Variants in IL18RAP observed in about 807,000 individuals in gnomAD.
IL18RAP encodes interleukin 18 receptor accessory protein, also known as interleukin-18 receptor accessory protein.
Under a neutral mutation model 58.1 loss-of-function variants are expected in IL18RAP, and 37 were observed. The observed-to-expected ratio is 0.64, with a 90% CI of 0.49 to 0.84. The LOEUF is 0.84. Among genes scored for constraint, IL18RAP ranks in the 40% least tolerant of loss-of-function variants. The pLI, the probability that IL18RAP is intolerant of heterozygous loss-of-function variation, is 0.00. For missense variants in IL18RAP, 667 were observed against 704.8 expected (o/e 0.95, Z 0.61); for synonymous variants, 268 against 257.5 (o/e 1.04, Z -0.39).
chr2:102,422,718 G>A (rs1681651906), upstream of IL18RAP, among the ~76,000 whole-genome samples: 2 of 152,184 alleles, frequency 1.3e-5, no homozygotes, highest in Admixed American at 6.5e-5. Flanking sequence ...GGGGCAGGGA[G>A]AGGTAGGTGG....
At chr2:102,428,696 T>G (rs1217852468) in intron 3 of IL18RAP, among the ~76,000 whole-genome samples, 1 of 151,966 alleles carries the variant, frequency 6.6e-6, no homozygotes, top group Admixed American at 6.6e-5. Flanking sequence ...TGCTTTTTAT[T>G]TGTTTCTCTT....
At chr2:102,422,940 G>A (rs947379727), upstream of IL18RAP, among the ~76,000 whole-genome samples, 1 of 152,048 alleles carries the variant, frequency 6.6e-6, no homozygotes, top group Non-Finnish European at 1.5e-5. Flanking sequence ...AGATTAATGA[G>A]GGGAAAAATG....
upstream of IL18RAP, chr2:102,418,848 T>C (rs922048875): frequency 6.6e-6 from 1 of 152,454 alleles, no homozygotes; most frequent in African/African-American, 2.4e-5. Flanking sequence ...TATTTTCACA[T>C]ATTTTCGTTC....
At chr2:102,425,340 TGG>T (rs1402777837) in intron 3 of IL18RAP, among the ~76,000 whole-genome samples, 1 of 152,192 alleles carries the variant, frequency 6.6e-6, no homozygotes, top group Non-Finnish European at 1.5e-5. Context: ...GAGAGTCTCC[TGG>T]GGATACAGTT....
Position 102,424,050 on chromosome 2 carries a change from A to G in IL18RAP, c.310A>G (p.Ile104Val), listed in dbSNP as rs773267891. ...LEDIRKSYPH[I>V]IQDKCTLHFL... is the part of the protein sequence containing the mutation. ...GGACATTAGGAAAAGCTATCCTCACATCATTCAGGACAAATGTACCCTTCA... is the reference window on the plus strand; with the variant it reads ...GGACATTAGGAAAAGCTATCCTCACGTCATTCAGGACAAATGTACCCTTCA... The change falls in exon 2 of 10, where the codon ATC becomes GTC. Residue 104 changes from isoleucine (I) to valine (V), a missense_variant. Transcript: ENST00000687160. 3.7e-6 allele frequency: 6 copies of G among 1,613,992 alleles called. No individual in the cohort carries two copies. Among genetic ancestry groups the G allele is most frequent in the African/African-American group, 1.3e-5 (1 of 74,916 alleles).
chr2:102,426,355 C>T (rs1162118369), intron 3 of IL18RAP, among the ~76,000 whole-genome samples: 1 of 151,992 alleles, frequency 6.6e-6, no homozygotes, highest in Non-Finnish European at 1.5e-5. Flanking sequence ...GAAATAAATC[C>T]CTGGGCTTGG....
upstream of IL18RAP, among the ~76,000 whole-genome samples, chr2:102,420,274 G>A (rs984380798): frequency 6.6e-6 from 1 of 152,202 alleles, no homozygotes; most frequent in Non-Finnish European, 1.5e-5. Flanking sequence ...GTGTCTCCCA[G>A]ATGAGCGTGG....
chr2:102,424,306 T>C lies in IL18RAP; in HGVS notation c.471T>C (p.Tyr157=). The C allele has an allele frequency of 2.5e-6, 4 of 1,614,068 alleles. No homozygotes were observed. The highest frequency in any genetic ancestry group is 3.4e-6 in the Non-Finnish European group (4 of 1,179,938). The change falls in exon 3 of 10, where the codon TAT becomes TAC. Residue 157 remains tyrosine, a synonymous_variant. Coordinates refer to ENST00000687160, the MANE Select transcript of IL18RAP (RefSeq NM_001393487.1). ...CCCAGACAAATGCATCCTGTGAGTA[T>C]TCCGCATCACATAAGCAAGACCTAC... ...VKPQTNASCE[Y]SASHKQDLLL...
chr2:102,421,793 C>A (rs1669888477), upstream of IL18RAP, among the ~76,000 whole-genome samples: 1 of 152,218 alleles, frequency 6.6e-6, no homozygotes, highest in Non-Finnish European at 1.5e-5. Flanking sequence ...TCTGGCTCCA[C>A]CTGGACAAAG....
At chr2:102,424,463 A>G (rs1681805478) in intron 3 of IL18RAP, 49 bp downstream of exon 3, 6 of 1,500,314 alleles carry the variant, frequency 4.0e-6, no homozygotes, top group African/African-American at 1.4e-5. Flanking sequence ...TTTTTATGGT[A>G]TCTTCTTCAT....
chr2:102,445,080 C>T, intron 6 of IL18RAP, 109 bp from the exon 7 acceptor site: 1 of 870,060 alleles, frequency 1.1e-6, no homozygotes, highest in Non-Finnish European at 1.8e-6. Flanking sequence ...CTATTGATCT[C>T]ACAGTTCTCT....
Position 102,424,244 on chromosome 2 carries a change from G to A in IL18RAP, c.409G>A (p.Val137Ile). The stretch of plus-strand genomic sequence containing the variant: ...TTAATTTCCTAGGAGCCCCTATGAT[G>A]TAGCCTGTTGTGTCAAGATGATTTT... The part of the protein sequence containing the change: ...RPKMIKSPYD[V>I]ACCVKMILEV... Residue 137 changes from valine (V) to isoleucine (I), a missense_variant, in exon 3 of 10, where the codon GTA becomes ATA. Physicochemically the swap from Val to Ile is conservative, Grantham distance 29. Transcript: ENST00000687160. 6.2e-7 allele frequency: 1 copy of A among 1,614,024 alleles called. No homozygotes were observed.
Position 102,447,083 on chromosome 2 carries a change from C to A in IL18RAP, c.1086C>A (p.Tyr362Ter). Residue 362 changes from tyrosine (Y) to a stop codon, truncating the protein, a stop_gained, in exon 8 of 10, where the codon TAC becomes TAA. Transcript: ENST00000687160. LOFTEE classifies it high-confidence loss of function. ...CTGTCTCCACAGTGGTGCTCCTGTA[C>A]ATCCTGCTTGGCACCATCGGGACCC... The part of the protein sequence containing the change: ...LKEKRGVVLL[Y>*]ILLGTIGTLV... The A allele has an allele frequency of 6.2e-7, 1 of 1,614,010 alleles. No individual in the cohort carries two copies. The highest frequency in any genetic ancestry group is 8.5e-7 in the Non-Finnish European group (1 of 1,179,966).
intron 4 of IL18RAP, chr2:102,439,364 A>C (rs1682957037): frequency 6.6e-6 from 1 of 152,294 alleles, no homozygotes; most frequent in Admixed American, 6.5e-5. Flanking sequence ...GACTTTGGAA[A>C]TGTTTAAGAG....
At chr2:102,444,320 G>A (rs933966608) in intron 6 of IL18RAP, among the ~76,000 whole-genome samples, 2 of 152,138 alleles carry the variant, frequency 1.3e-5, no homozygotes, top group Non-Finnish European at 2.9e-5. Context: ...AAGAGGGTAT[G>A]TTTTGACATC....
intron 7 of IL18RAP, 80 bp from the exon 8 acceptor site, chr2:102,446,990 G>T: frequency 7.1e-7 from 1 of 1,418,214 alleles, no homozygotes; most frequent in Non-Finnish European, 9.6e-7. Flanking sequence ...GTGCTGGGTG[G>T]GCCATAGCGC....
rs762724296 is a variant in IL18RAP at position 102,443,278 on chromosome 2, A to C, written c.875A>C (p.Lys292Thr). ...AACCCTGTCATAAAATGGTACATCA[A>C]AGATTCTGACCTAGAGTGGGAAGTC... ...VFNPVIKWYIKDSDLEWEVSV... is the reference protein window; with the variant it reads ...VFNPVIKWYITDSDLEWEVSV... Residue 292 changes from lysine to threonine, a missense_variant, in exon 6 of 10, where the codon AAA becomes ACA. Transcript: ENST00000687160. 1.7e-5 allele frequency: 27 copies of C among 1,613,772 alleles called. No individual in the cohort carries two copies. The highest frequency in any genetic ancestry group is 2.0e-5 in the Non-Finnish European group (24 of 1,179,936).
Position 102,423,306 on chromosome 2 carries a change from G to A in IL18RAP, c.29G>A (p.Trp10Ter). Residue 10 changes from tryptophan (W) to a stop codon, truncating the protein, a stop_gained, in exon 1 of 10, where the codon TGG becomes TAG. Transcript: ENST00000687160. LOFTEE classifies it high-confidence loss of function. ...CTCTGTTTGGGCTGGATATTTCTTT[G>A]GCTTGTTGCAGGAGAGCGAATTAAA... MLCLGWIFL[W>*]LVAGERIKGF... The A allele has an allele frequency of 1.2e-6, 2 of 1,614,080 alleles. No individual in the cohort carries two copies. Among genetic ancestry groups the A allele is most frequent in the Non-Finnish European group, 1.7e-6 (2 of 1,179,966 alleles).
intron 9 of IL18RAP, among the ~76,000 whole-genome samples, chr2:102,451,283 A>T (rs1038308614): frequency 2.0e-5 from 3 of 152,204 alleles, no homozygotes; most frequent in African/African-American, 7.2e-5. Context: ...TTCGCAGCTG[A>T]AGGCTGCGAA....
Sources: allele counts gnomAD v4.1 joint callset (sites outside exome capture counted in the v4.1 genomes callset), GRCh38; gene constraint gnomAD v4.1.1; transcripts MANE v1.5; gene names NCBI Gene and HGNC (gene_info 2026-07-23, HGNC 2026-07-21).